The following CELF2 variants were observed in gnomAD, a reference collection of about 807,000 sequenced individuals.
CELF2 encodes CUGBP Elav-like family member 2.
In CELF2, 8 loss-of-function variants were observed where a neutral mutation model predicts 62.6. The observed-to-expected ratio is 0.13, with a 90% confidence interval of 0.07 to 0.23. The LOEUF (loss-of-function observed/expected upper bound fraction) is 0.23. Among genes scored for constraint, CELF2 ranks in the 10% least tolerant of loss-of-function variants. CELF2 has a pLI of 1.00. For synonymous variants in CELF2, 258 were observed against 250.0 expected (o/e 1.03, Z -0.30); for missense variants, 333 against 671.0 (o/e 0.50, Z 5.56).
At chr10:11,001,510 T>C (rs1371272171), upstream of CELF2, among the ~76,000 whole-genome samples, 1 of 152,220 alleles carries the variant, frequency 6.6e-6, no homozygotes, top group African/African-American at 2.4e-5. Context: ...TTTAGCTCTT[T>C]CTTCTGGAAA....
At position 11,319,280 on chromosome 10, in the gene CELF2, T is replaced by G. The variant is rs370338584; in HGVS notation, c.1097-1909T>G. On this transcript the variant is annotated intron_variant, in intron 10 of 12. Coordinates refer to ENST00000633077, the MANE Select transcript of CELF2 (RefSeq NM_001326342.2). The surrounding 1 kb of genome is among the most constrained non-coding windows in gnomAD (Gnocchi z 4.4). ...CTTCCCGAGTTATTGTACATACCCC[T>G]CTCACCTATCTCAAAAAACACGGAA... 4.4e-5 allele frequency: 16 copies of G among 359,922 alleles called. No homozygotes were observed. Among genetic ancestry groups the G allele is most frequent in the African/African-American group, 2.8e-4 (13 of 46,686 alleles). The allele number at this position is 359,922 out of a possible 1,614,324, so 22.3% of individuals were successfully genotyped here. A position where few individuals can be genotyped will look rare whatever the true frequency, so the allele number is the denominator to read the frequency against.
In CELF2 at chr10:10,947,208, C is replaced by A. The variant is rs1564240398; in HGVS notation, c.89+27209C>A. The A allele has an allele frequency of 6.6e-6, 1 of 152,302 alleles. No homozygotes were observed. Among genetic ancestry groups the A allele is most frequent in the East Asian group, 1.9e-4 (1 of 5,200 alleles). 9.4% of individuals were successfully genotyped at this position (152,302 alleles called of 1,614,324 possible). A position where few individuals can be genotyped will look rare whatever the true frequency, so the allele number is the denominator to read the frequency against. On this transcript the variant is annotated intron_variant, in intron 2 of 13. Coordinates refer to the CELF2 transcript ENST00000636488. This position sits in a 1 kb window ranked among gnomAD's most constrained non-coding sequence, Gnocchi z 4.1. ...CTTTCAAACACAAAAGCTCAGCACA[C>A]ACTTACTCTAACCAGTCCTTCACCT... is the stretch of plus-strand genomic sequence containing the variant.
chr10:10,596,581 AT>A, the CELF2 span, among the ~76,000 whole-genome samples: 2 of 152,186 alleles, frequency 1.3e-5, no homozygotes, highest in Non-Finnish European at 2.9e-5. Context: ...ATACAGGATC[AT>A]AGAGGATGGA....
chr10:11,199,539 G>T (rs2058742406), intron 2 of CELF2, among the ~76,000 whole-genome samples: 1 of 152,108 alleles, frequency 6.6e-6, no homozygotes, highest in African/African-American at 2.4e-5. Flanking sequence ...GTCAGATGTT[G>T]CCCTCTGCCA....
At chr10:11,002,164 T>G (rs1457421506), upstream of CELF2, among the ~76,000 whole-genome samples, 1 of 152,158 alleles carries the variant, frequency 6.6e-6, no homozygotes, top group Non-Finnish European at 1.5e-5. The surrounding 1 kb of genome is among the most constrained non-coding windows in gnomAD (Gnocchi z 4.4). Context: ...ACGTCTTACA[T>G]GGCAACAGGC....
chr10:11,231,840 A>G (rs2068796885), intron 3 of CELF2, among the ~76,000 whole-genome samples: 1 of 151,718 alleles, frequency 6.6e-6, no homozygotes, highest in Admixed American at 6.6e-5. Context: ...TCTCCATTTT[A>G]CCTGCAGTGC....
At chr10:10,574,872 GT>G in the CELF2 span, among the ~76,000 whole-genome samples, 883 of 105,958 alleles carry the variant, frequency 8.3e-3, 22 homozygotes, top group Non-Finnish European at 9.2e-3. Context: ...ACCATGCCTG[GT>G]TTTTTTTTTT....
chr10:11,103,952 A>T (rs998044653), intron 1 of CELF2, among the ~76,000 whole-genome samples: 1 of 149,960 alleles, frequency 6.7e-6, no homozygotes, highest in African/African-American at 2.5e-5. Context: ...CTTTCCTGAA[A>T]TGGGAGAAAT....
intron 2 of CELF2, among the ~76,000 whole-genome samples, chr10:10,967,497 C>G (rs1009762855): frequency 6.6e-6 from 1 of 151,996 alleles, no homozygotes; most frequent in Non-Finnish European, 1.5e-5. Context: ...GGATTTCATT[C>G]GGGGGAAATG....
chr10:11,050,345 T>C lies in CELF2; in HGVS notation c.74+32182T>C, dbSNP rs577356082. 5.1e-4 allele frequency among the ~76,000 whole-genome samples: 78 copies of C among 152,354 alleles called. 1 individual carries two copies. The highest frequency in any genetic ancestry group is 1.8e-3 in the African/African-American group (76 of 41,578). On this transcript the variant is annotated intron_variant, in intron 1 of 12. Coordinates refer to ENST00000633077, the MANE Select transcript of CELF2 (RefSeq NM_001326342.2). ...ATGCAACATTTAAAAATCATTAAACTACATTGTCTGGACATTATTTGGGCT... is the reference window on the plus strand; with the variant it reads ...ATGCAACATTTAAAAATCATTAAACCACATTGTCTGGACATTATTTGGGCT...
At chr10:10,754,817 C>T in the CELF2 span, among the ~76,000 whole-genome samples, 1 of 152,198 alleles carries the variant, frequency 6.6e-6, no homozygotes. Flanking sequence ...AAGGCCTCTC[C>T]TAATTACCCA....
the CELF2 span, among the ~76,000 whole-genome samples, chr10:10,607,845 C>T: frequency 4.0e-4 from 61 of 152,240 alleles, no homozygotes; most frequent in African/African-American, 1.4e-3. Context: ...AATCCCAGCA[C>T]TTTGGGAGGC....
At chr10:11,026,103 G>T (rs139756930) in intron 1 of CELF2, among the ~76,000 whole-genome samples, 1 of 152,306 alleles carries the variant, frequency 6.6e-6, no homozygotes, top group Non-Finnish European at 1.5e-5. Context: ...GGACAGTTGG[G>T]CCTCCACGGA....
chr10:11,087,107 CT>C (rs1261561523), intron 1 of CELF2, among the ~76,000 whole-genome samples: 1 of 152,176 alleles, frequency 6.6e-6, no homozygotes, highest in Non-Finnish European at 1.5e-5. Flanking sequence ...ATATAAAGCA[CT>C]GTGACATCAG....
rs2071760070 is a variant in CELF2 at position 11,237,258 on chromosome 10, T to A, written c.355-11895T>A. Among the ~76,000 whole-genome samples the A allele has an allele frequency of 6.6e-6, 1 of 151,730 alleles. No individual in the cohort carries two copies. The highest frequency in any genetic ancestry group is 2.4e-5 in the African/African-American group (1 of 41,266). On this transcript the variant is annotated intron_variant, in intron 3 of 12. Coordinates refer to ENST00000633077, the MANE Select transcript of CELF2 (RefSeq NM_001326342.2). This position sits in a 1 kb window ranked among gnomAD's most constrained non-coding sequence, Gnocchi z 4.0. ...TCAAGGGGTAGAAAATTAAGCAAAT[T>A]TAGAGCCACGCCAGAGTGTTAGGTG...
At chr10:10,751,862 T>C in the CELF2 span, among the ~76,000 whole-genome samples, 1 of 152,174 alleles carries the variant, frequency 6.6e-6, no homozygotes, top group Non-Finnish European at 1.5e-5. Flanking sequence ...AACAATCAAG[T>C]GTGGTTTCTG....
chr10:10,877,657 G>C (rs536603271), intron 1 of CELF2, among the ~76,000 whole-genome samples: 1 of 152,304 alleles, frequency 6.6e-6, no homozygotes, highest in South Asian at 2.1e-4. Context: ...ACAATTGAAT[G>C]GATGGAAGAT....
intron 3 of CELF2, among the ~76,000 whole-genome samples, chr10:11,248,813 C>T (rs377292066): frequency 2.4e-4 from 37 of 152,182 alleles, no homozygotes; most frequent in African/African-American, 7.7e-4. Context: ...GACACTTGCT[C>T]GAGATTGCAT....
chr10:10,834,896 G>C (rs1159013719), intron 1 of CELF2, among the ~76,000 whole-genome samples: 1 of 152,168 alleles, frequency 6.6e-6, no homozygotes, highest in Non-Finnish European at 1.5e-5. Flanking sequence ...TCAGTGATTT[G>C]TGGATCTGTC....
Sources: allele counts gnomAD v4.1 joint callset (sites outside exome capture counted in the v4.1 genomes callset), GRCh38; gene constraint gnomAD v4.1.1; non-coding constraint Gnocchi (gnomAD v3.1); transcripts MANE v1.5; gene names NCBI Gene and HGNC (gene_info 2026-07-23, HGNC 2026-07-21).